The following DNM3 variants were observed in gnomAD, a reference collection of about 807,000 sequenced individuals.
DNM3 encodes dynamin-3.
In DNM3, 47 loss-of-function variants were observed where a neutral mutation model predicts 101.6. That is an observed-to-expected ratio of 0.46 (90% CI 0.37 to 0.59). The LOEUF is 0.59. Ranked by LOEUF, DNM3 falls within the 20% of genes least tolerant of loss-of-function variation. The pLI is 0.00. For missense variants in DNM3, 849 were observed against 1,085.7 expected, an observed-to-expected ratio of 0.78 and a Z score of 3.06; for synonymous variants, 385 against 387.9, an observed-to-expected ratio of 0.99 and a Z score of 0.09.
At chr1:172,065,111 G>A (rs1052261688) in intron 10 of DNM3, among the ~76,000 whole-genome samples, 1 of 152,192 alleles carries the variant, frequency 6.6e-6, no homozygotes, top group Non-Finnish European at 1.5e-5. Context: ...GGATATTCTT[G>A]TCATTTTGGC....
Position 172,349,065 on chromosome 1 carries a change from A to G in DNM3, c.1893+25725A>G, listed in dbSNP as rs973180759. Among the ~76,000 whole-genome samples, 5 of 152,130 alleles carry G rather than the reference A, an allele frequency of 3.3e-5. No homozygotes were observed. The East Asian group carries it at 9.6e-4, about 29-fold the overall frequency. On this transcript the variant is annotated intron_variant, in intron 17 of 20. Transcript: ENST00000627582. ...ACCACCACCCCCAGTGTCAGGGGTT[A>G]TTGCCCTCAGAGACATGTCCAGGAA... is the stretch of plus-strand genomic sequence containing the variant.
intron 2 of DNM3, among the ~76,000 whole-genome samples, chr1:171,986,799 A>G (rs1010877369): frequency 6.6e-6 from 1 of 152,146 alleles, no homozygotes; most frequent in African/African-American, 2.4e-5. Context: ...TCATTGAGAT[A>G]TTAGATAAAC....
intron 4 of DNM3, among the ~76,000 whole-genome samples, chr1:172,019,187 T>C (rs1217845700): frequency 1.3e-5 from 2 of 151,494 alleles, no homozygotes; most frequent in Non-Finnish European, 2.9e-5. Context: ...TATCCTTCCT[T>C]CCTTCCTTTT....
Position 171,944,850 on chromosome 1 carries a change from GTTTCCTTT to G in DNM3, c.235+23033_235+23040del, listed in dbSNP as rs1369861931. 4.8e-4 allele frequency among the ~76,000 whole-genome samples: 21 copies of G among 43,848 alleles called. 1 individual carries two copies. Among genetic ancestry groups the G allele is most frequent in the Admixed American group, 1.4e-3 (7 of 5,036 alleles). 28.8% of individuals were successfully genotyped at this position (43,848 alleles called of 152,430 possible). A position where few individuals can be genotyped will look rare whatever the true frequency, so the allele number is the denominator to read the frequency against. On this transcript the variant is annotated intron_variant, in intron 2 of 20. Coordinates refer to ENST00000627582, the MANE Select transcript of DNM3 (RefSeq NM_015569.5). ...TTTTTTTGTTTTCTTTTTTTTTGGT[GTTTCCTTT>G]TTTTTTTTTTTTTTTTTTTTTTTGA...
chr1:172,363,017 C>T (rs2067827334), intron 17 of DNM3, among the ~76,000 whole-genome samples: 1 of 151,778 alleles, frequency 6.6e-6, no homozygotes, highest in Non-Finnish European at 1.5e-5. Context: ...CTTCTTCCAC[C>T]TCCTTAACTG....
chr1:172,061,102 C>A (rs2051153027), intron 10 of DNM3, among the ~76,000 whole-genome samples: 2 of 147,204 alleles, frequency 1.4e-5, no homozygotes, highest in South Asian at 4.4e-4. Flanking sequence ...AAAAAATGCT[C>A]ATCATCACTG....
At chr1:172,264,765 C>T (rs1417245986) in intron 15 of DNM3, among the ~76,000 whole-genome samples, 1 of 152,140 alleles carries the variant, frequency 6.6e-6, no homozygotes, top group Non-Finnish European at 1.5e-5. Flanking sequence ...TCTTTCTTAC[C>T]TCACAGGTTA....
At chr1:172,092,726 T>C in intron 12 of DNM3, 98 bp from the exon 13 acceptor site, 1 of 934,314 alleles carries the variant, frequency 1.1e-6, no homozygotes, top group Admixed American at 3.9e-5. Context: ...TCTCCATTGA[T>C]TTTTTTTTTA....
chr1:171,981,018 G>A (rs942196700), intron 2 of DNM3, among the ~76,000 whole-genome samples: 2 of 151,704 alleles, frequency 1.3e-5, no homozygotes, highest in African/African-American at 4.9e-5. Flanking sequence ...TGATCCACCC[G>A]CCTCAGCCTC....
intron 13 of DNM3, among the ~76,000 whole-genome samples, chr1:172,110,646 C>T (rs2055401738): frequency 6.6e-6 from 1 of 152,190 alleles, no homozygotes; most frequent in Non-Finnish European, 1.5e-5. Flanking sequence ...ACATTACTTT[C>T]TGTCATTCAA....
chr1:172,394,616 C>T (rs1443821918), intron 20 of DNM3, among the ~76,000 whole-genome samples: 1 of 152,158 alleles, frequency 6.6e-6, no homozygotes, highest in Non-Finnish European at 1.5e-5. Context: ...CTCTTTGGGG[C>T]TCTAAATTGT....
At chr1:172,398,509 G>T (rs1283589626) in intron 20 of DNM3, among the ~76,000 whole-genome samples, 1 of 152,166 alleles carries the variant, frequency 6.6e-6, no homozygotes, top group African/African-American at 2.4e-5. Context: ...AAACTTTTTT[G>T]ATCTCTTCTA....
chr1:172,129,577 A>G (rs1260112161), intron 13 of DNM3, among the ~76,000 whole-genome samples: 1 of 152,136 alleles, frequency 6.6e-6, no homozygotes. Flanking sequence ...GCAAAGAGAG[A>G]CAAGTCACGT....
chr1:171,941,409 C>T (rs1184866588), intron 2 of DNM3, among the ~76,000 whole-genome samples: 1 of 152,164 alleles, frequency 6.6e-6, no homozygotes, highest in Non-Finnish European at 1.5e-5. Flanking sequence ...GAGTTACCCA[C>T]AGGAGTGATA....
intron 15 of DNM3, among the ~76,000 whole-genome samples, chr1:172,297,209 A>G (rs2064210746): frequency 6.6e-6 from 1 of 150,702 alleles, no homozygotes; most frequent in Non-Finnish European, 1.5e-5. Flanking sequence ...TAACACTTGG[A>G]TTTTTCAATT....
At chr1:171,987,920 T>A in intron 3 of DNM3, 115 bp downstream of exon 3, 4 of 973,442 alleles carry the variant, frequency 4.1e-6, no homozygotes, top group Non-Finnish European at 5.6e-6. Context: ...GGGTATCCTT[T>A]GGATACTGCC....
At chr1:171,897,603 T>C (rs2037925902) in intron 1 of DNM3, among the ~76,000 whole-genome samples, 1 of 152,168 alleles carries the variant, frequency 6.6e-6, no homozygotes, top group Non-Finnish European at 1.5e-5. Flanking sequence ...CCTAGATTAG[T>C]ACATGCTATG....
intron 15 of DNM3, among the ~76,000 whole-genome samples, chr1:172,300,570 C>T (rs929415844): frequency 1.3e-5 from 2 of 152,078 alleles, no homozygotes; most frequent in South Asian, 2.1e-4. Flanking sequence ...GGAAAGGACT[C>T]CCTATTCAAT....
intron 1 of DNM3, among the ~76,000 whole-genome samples, chr1:171,901,067 C>A (rs1340373713): frequency 7.3e-6 from 1 of 136,108 alleles, no homozygotes; most frequent in East Asian, 2.2e-4. Context: ...GAGCCGAGAG[C>A]GCGCCACTGC....
Sources: gnomAD v4.1 joint callset for allele counts (sites outside exome capture counted in the v4.1 genomes callset) on GRCh38, gnomAD v4.1.1 for gene constraint, MANE v1.5 for transcripts, NCBI Gene and HGNC (gene_info 2026-07-23, HGNC 2026-07-21) for gene names.